The following PIK3R1 variants were observed in gnomAD, a reference collection of about 807,000 sequenced individuals.
PIK3R1 encodes phosphatidylinositol 3-kinase regulatory subunit alpha.
PIK3R1 carries 29 observed loss-of-function variants against 98.0 expected under a neutral mutation model. The ratio of observed to expected loss-of-function variants is 0.30; its 90% CI spans 0.22 to 0.40. The LOEUF (loss-of-function observed/expected upper bound fraction) is 0.40, where lower values mean the gene tolerates loss of function less well. Ranked by LOEUF, PIK3R1 falls within the 10% of genes least tolerant of loss-of-function variation. PIK3R1 has a pLI of 1.00. For missense variants in PIK3R1, 596 were observed against 872.7 expected, an observed-to-expected ratio of 0.68 and a Z score of 3.99; for synonymous variants, 282 against 311.8, an observed-to-expected ratio of 0.90 and a Z score of 1.01.
In PIK3R1 at chr5:68,297,463, TGGCTTTGCC is replaced by T. The variant is rs777255044; in HGVS notation, c.2039_2047del (p.Gly680_Ala682del). 1 of 1,614,214 alleles carries T rather than the reference TGGCTTTGCC, an allele frequency of 6.2e-7. No homozygotes were observed. The highest frequency in any genetic ancestry group is 8.5e-7 in the Non-Finnish European group (1 of 1,180,008). On this transcript the variant is annotated inframe_deletion, in exon 16 of 16. Coordinates refer to ENST00000521381, the MANE Select transcript of PIK3R1 (RefSeq NM_181523.3). The stretch of plus-strand genomic sequence containing the variant: ...TCATAAACAAAACAGCAACTGGCTA[TGGCTTTGCC>T]GAGCCCTATAACTTGTACAGCTCTC...
chr5:68,295,191 A>C lies in PIK3R1; in HGVS notation c.1612A>C (p.Ile538Leu). Residue 538 changes from isoleucine (I) to leucine (L), a missense_variant, in exon 13 of 16, where the codon ATT becomes CTT. Coordinates refer to ENST00000521381, the MANE Select transcript of PIK3R1 (RefSeq NM_181523.3). ...YDKLKSRISE[I>L]IDSRRRLEED... The stretch of plus-strand genomic sequence containing the variant: ...TAAGTTGAAGTCTCGAATCAGTGAA[A>C]TTATTGACAGTAGAAGAAGATTGGA... 1 of 1,614,054 alleles carries C rather than the reference A, an allele frequency of 6.2e-7. No homozygotes were observed. Among genetic ancestry groups the C allele is most frequent in the Non-Finnish European group, 8.5e-7 (1 of 1,179,924 alleles).
intron 1 of PIK3R1, among the ~76,000 whole-genome samples, chr5:68,221,016 TTAA>T (rs1561254744): frequency 1.3e-5 from 2 of 152,220 alleles, no homozygotes; most frequent in Non-Finnish European, 2.9e-5. Flanking sequence ...CTTGAATGGA[TTAA>T]TGTCATTATG....
At position 68,263,735 on chromosome 5, in the gene PIK3R1, ATAT is replaced by A. The variant is rs565221562; in HGVS notation, c.335-9650_335-9648del. 1.4e-3 allele frequency among the ~76,000 whole-genome samples: 213 copies of A among 152,296 alleles called. 1 individual carries two copies. The highest frequency in any genetic ancestry group is 4.8e-3 in the African/African-American group (200 of 41,560). ...AACTTTTAAAATGAAGTCTGAATAAATATTATTTTCTTATGCATTTCTTCTGCA... is the reference window on the plus strand; with the variant it reads ...AACTTTTAAAATGAAGTCTGAATAAATATTTTCTTATGCATTTCTTCTGCA... On this transcript the variant is annotated intron_variant, in intron 2 of 15. Coordinates refer to ENST00000521381, the MANE Select transcript of PIK3R1 (RefSeq NM_181523.3).
At position 68,288,866 on chromosome 5, in the gene PIK3R1, G is replaced by T. The variant is rs967368307; in HGVS notation, c.917-3393G>T. 2.9e-6 allele frequency: 3 copies of T among 1,031,306 alleles called. No homozygotes were observed. The African/African-American group carries it at 4.7e-5, about 16-fold the overall frequency. 63.9% of individuals were successfully genotyped at this position (1,031,306 alleles called of 1,614,324 possible). ...GCCCCTGTAAGCGCTGCCTGGGGAG[G>T]ACAGATGGGAGATTAGGGGAGACAC... On this transcript the variant is annotated intron_variant, in intron 7 of 15. Transcript: ENST00000521381.
In PIK3R1 at chr5:68,280,691, A is replaced by G. The variant is rs1364910863; in HGVS notation, c.798A>G (p.Glu266=). ...KNLLNARVLS[E]IFSPMLFRFS... Reference sequence around the variant, plus strand: ...TGTTGAATGCAAGAGTACTCTCTGAAATTTTCAGCCCTATGCTTTTCAGAT... The same window carrying G: ...TGTTGAATGCAAGAGTACTCTCTGAGATTTTCAGCCCTATGCTTTTCAGAT... The change falls in exon 6 of 16, where the codon GAA becomes GAG. Residue 266 remains glutamate (E), a synonymous_variant. Coordinates refer to ENST00000521381, the MANE Select transcript of PIK3R1 (RefSeq NM_181523.3). 6.2e-7 allele frequency: 1 copy of G among 1,614,124 alleles called. No homozygotes were observed. The highest frequency in any genetic ancestry group is 8.5e-7 in the Non-Finnish European group (1 of 1,179,998).
intron 2 of PIK3R1, among the ~76,000 whole-genome samples, chr5:68,242,349 G>T (rs749490551): frequency 6.6e-6 from 1 of 152,174 alleles, no homozygotes; most frequent in Non-Finnish European, 1.5e-5. Flanking sequence ...GAGAATACAC[G>T]GTGGTCAAAC....
At chr5:68,275,711 A>G (rs2112173707) in intron 4 of PIK3R1, among the ~76,000 whole-genome samples, 1 of 152,304 alleles carries the variant, frequency 6.6e-6, no homozygotes, top group Non-Finnish European at 1.5e-5. Flanking sequence ...ATAAATAAAT[A>G]AATGATGTCC....
Position 68,274,007 on chromosome 5 carries a change from G to A in PIK3R1, c.496G>A (p.Asp166Asn), listed in dbSNP as rs772253669. ...SNLAELRQLLDCDTPSVDLEM... is the reference protein window; with the variant it reads ...SNLAELRQLLNCDTPSVDLEM... ...CCTGGCAGAATTACGACAGCTTCTT[G>A]ATTGTGGTGAGTGTCACAGAGCTAG... The change falls in exon 4 of 16, where the codon GAT becomes AAT. Residue 166 changes from aspartate (D) to asparagine (N), a missense_variant. Asp to Asn is a conservative substitution (Grantham distance 23, BLOSUM62 1). This residue lies in a region of PIK3R1 where 352 missense variants were observed against 393.3 expected (regional missense o/e 0.90). Coordinates refer to ENST00000521381, the MANE Select transcript of PIK3R1 (RefSeq NM_181523.3). 1 of 1,613,192 alleles carries A rather than the reference G, an allele frequency of 6.2e-7. No homozygotes were observed. Among genetic ancestry groups the A allele is most frequent in the South Asian group, 1.1e-5 (1 of 91,074 alleles).
intron 2 of PIK3R1, among the ~76,000 whole-genome samples, chr5:68,260,073 A>G (rs1745679965): frequency 6.6e-6 from 1 of 152,188 alleles, no homozygotes. Context: ...AGCCTGATAC[A>G]TGTTAAGTAC....
At chr5:68,216,746 C>G (rs1344709983) in intron 1 of PIK3R1, among the ~76,000 whole-genome samples, 1 of 152,248 alleles carries the variant, frequency 6.6e-6, no homozygotes, top group African/African-American at 2.4e-5. Context: ...GCTAAAATAT[C>G]GTGGGCAATT....
intron 2 of PIK3R1, among the ~76,000 whole-genome samples, chr5:68,269,222 G>A (rs1034872473): frequency 6.6e-6 from 1 of 152,160 alleles, no homozygotes; most frequent in Non-Finnish European, 1.5e-5. Context: ...GATTTAGCTA[G>A]TGAAAAACTG....
intron 2 of PIK3R1, among the ~76,000 whole-genome samples, chr5:68,253,265 A>G (rs1175189520): frequency 2.0e-5 from 3 of 152,140 alleles, no homozygotes; most frequent in African/African-American, 7.2e-5. Context: ...ATTTCCTAGC[A>G]TGTTTCATGA....
chr5:68,288,592 C>G lies in PIK3R1; in HGVS notation c.917-3667C>G, dbSNP rs557090053. On this transcript the variant is annotated intron_variant, in intron 7 of 15. Transcript: ENST00000521381. ...GGCGGCGCCCCCGCTCCTGCGCGCA[C>G]TCTCGGCGCCGGACACGAGCACTGC... 6.0e-5 allele frequency: 92 copies of G among 1,539,658 alleles called. 2 individuals carry two copies. In the South Asian group the frequency reaches 1.1e-3, roughly 19 times the overall value.
intron 1 of PIK3R1, among the ~76,000 whole-genome samples, chr5:68,221,797 T>C (rs1744100587): frequency 6.6e-6 from 1 of 152,192 alleles, no homozygotes. Context: ...CAATTTTATT[T>C]TGGGGAATAG....
intron 2 of PIK3R1, among the ~76,000 whole-genome samples, chr5:68,246,975 A>G (rs1009123438): frequency 6.6e-6 from 1 of 152,244 alleles, no homozygotes; most frequent in African/African-American, 2.4e-5. Context: ...TCCTTTGCCT[A>G]AATTGTCTTA....
At chr5:68,272,672 C>T (rs554080512) in intron 2 of PIK3R1, among the ~76,000 whole-genome samples, 2 of 152,142 alleles carry the variant, frequency 1.3e-5, no homozygotes, top group Admixed American at 1.3e-4. Flanking sequence ...AAAAAGTTTA[C>T]GAAAACACCA....
In PIK3R1 at chr5:68,239,458, C is replaced by T. The variant is rs554427143; in HGVS notation, c.334+12449C>T. Among the ~76,000 whole-genome samples the T allele has an allele frequency of 2.0e-5, 3 of 152,302 alleles. No homozygotes were observed. The South Asian group carries it at 6.2e-4, about 32-fold the overall frequency. ...TATACATATATTTGTGTGTTCAACACACGCATTATTTTTCAGGTACTGCAC... is the reference window on the plus strand; with the variant it reads ...TATACATATATTTGTGTGTTCAACATACGCATTATTTTTCAGGTACTGCAC... On this transcript the variant is annotated intron_variant, in intron 2 of 15. Transcript: ENST00000521381.
intron 3 of PIK3R1, 144 bp from the exon 4 acceptor site, chr5:68,273,795 A>C: frequency 1.4e-6 from 1 of 702,394 alleles, no homozygotes; most frequent in Non-Finnish European, 2.5e-6. Flanking sequence ...TAAGATTAAT[A>C]GTAGGAGTTG....
chr5:68,230,426 A>G (rs1048834387), intron 2 of PIK3R1, among the ~76,000 whole-genome samples: 2 of 152,178 alleles, frequency 1.3e-5, no homozygotes, highest in African/African-American at 4.8e-5. Flanking sequence ...TCCTACAGCT[A>G]TTTCACTTTC....
Sources: gnomAD v4.1 joint callset for allele counts (sites outside exome capture counted in the v4.1 genomes callset) on GRCh38, gnomAD v4.1.1 for gene constraint, gnomAD v4.1.1 regional missense constraint, MANE v1.5 for transcripts, NCBI Gene and HGNC (gene_info 2026-07-23, HGNC 2026-07-21) for gene names.